IQSEC1: variants seen among roughly 807,000 people sequenced by gnomAD.
The protein encoded by IQSEC1 is IQ motif and Sec7 domain ArfGEF 1, also known as IQ motif and SEC7 domain-containing protein 1.
IQSEC1 carries 31 observed loss-of-function variants against 91.0 expected under a neutral mutation model. The ratio of observed to expected loss-of-function variants is 0.34; its 90% CI spans 0.26 to 0.46. IQSEC1 has a LOEUF of 0.46. IQSEC1 is among the 20% of genes least tolerant of loss of function. The pLI, the probability that IQSEC1 is intolerant of heterozygous loss-of-function variation, is 1.00. For synonymous variants in IQSEC1, 699 were observed against 662.6 expected (o/e 1.05, Z -0.84); for missense variants, 1,388 against 1,575.6 (o/e 0.88, Z 2.02).
intron 1 of IQSEC1, among the ~76,000 whole-genome samples, chr3:13,035,077 C>T (rs1283035846): frequency 6.6e-6 from 1 of 152,238 alleles, no homozygotes; most frequent in African/African-American, 2.4e-5. Context: ...CTGAACTTGG[C>T]CAGTGAAACT....
At chr3:12,939,484 ACT>A (rs1258702794) in intron 2 of IQSEC1, among the ~76,000 whole-genome samples, 6 of 151,962 alleles carry the variant, frequency 3.9e-5, no homozygotes, top group African/African-American at 1.2e-4. Flanking sequence ...ACTAAAATGG[ACT>A]CTGTGTTATC....
intron 1 of IQSEC1, among the ~76,000 whole-genome samples, chr3:12,975,328 T>C (rs1240641509): frequency 6.6e-6 from 1 of 152,266 alleles, no homozygotes; most frequent in Non-Finnish European, 1.5e-5. Flanking sequence ...GAGCATGATC[T>C]TGAATCTTGG....
At chr3:13,031,073 A>C (rs2125008808) in intron 1 of IQSEC1, among the ~76,000 whole-genome samples, 1 of 152,398 alleles carries the variant, frequency 6.6e-6, no homozygotes, top group South Asian at 2.1e-4. Context: ...TTACCATGAA[A>C]ACAAGACAAT....
At chr3:13,131,022 GGGAA>G (rs1293238204) in intron 2 of IQSEC1, among the ~76,000 whole-genome samples, 2 of 103,464 alleles carry the variant, frequency 1.9e-5, no homozygotes, top group Admixed American at 8.8e-5. Context: ...AGGAACGGAA[GGGAA>G]GGAAGGAAGG....
chr3:12,915,717 C>T lies in IQSEC1; in HGVS notation c.2037G>A (p.Glu679=), dbSNP rs757036944. 1 of 1,614,150 alleles carries T rather than the reference C, an allele frequency of 6.2e-7. No homozygotes were observed. Among genetic ancestry groups the T allele is most frequent in the East Asian group, 2.2e-5 (1 of 44,882 alleles). ...IKNLRGVDDG[E]DIPREMLMGI... ...CCATCAGCATCTCACGGGGAATGTC[C>T]TCACCATCGTCCACACCTGGGTAGG... Residue 679 remains glutamate (E), a synonymous_variant, in exon 7 of 14, where the codon GAG becomes GAA. Transcript: ENST00000613206.
intron 1 of IQSEC1, among the ~76,000 whole-genome samples, chr3:12,964,591 A>G (rs1700445325): frequency 6.6e-6 from 1 of 152,188 alleles, no homozygotes; most frequent in Admixed American, 6.5e-5. Flanking sequence ...ACATTCTCAG[A>G]GCACTCCATG....
At chr3:13,265,236 C>T (rs922608738) in intron 1 of IQSEC1, among the ~76,000 whole-genome samples, 2 of 152,240 alleles carry the variant, frequency 1.3e-5, no homozygotes, top group Non-Finnish European at 2.9e-5. Context: ...CTAGATGCTG[C>T]CCTAACTGTG....
chr3:13,178,826 TA>T (rs1406597513), intron 1 of IQSEC1, among the ~76,000 whole-genome samples: 1 of 152,218 alleles, frequency 6.6e-6, no homozygotes, highest in Admixed American at 6.5e-5. Flanking sequence ...AACAGTCCCA[TA>T]GACTGTTCTT....
chr3:13,216,038 C>T (rs1192484488), intron 1 of IQSEC1, among the ~76,000 whole-genome samples: 2 of 152,160 alleles, frequency 1.3e-5, no homozygotes, highest in African/African-American at 4.8e-5. Context: ...CCCTCAAAGA[C>T]GGGTAGAGCC....
chr3:13,058,172 C>A (rs1378101000), intron 1 of IQSEC1, among the ~76,000 whole-genome samples: 1 of 152,210 alleles, frequency 6.6e-6, no homozygotes, highest in East Asian at 1.9e-4. Flanking sequence ...ACTCAGGAGG[C>A]TGAGGTATGA....
At chr3:13,115,324 T>A (rs1453183211) in intron 2 of IQSEC1, among the ~76,000 whole-genome samples, 1 of 152,124 alleles carries the variant, frequency 6.6e-6, no homozygotes, top group Non-Finnish European at 1.5e-5. Context: ...CCTGGCCAGG[T>A]GCTCTGAGGA....
chr3:13,022,000 C>A, intron 1 of IQSEC1: 1 of 1,216,320 alleles, frequency 8.2e-7, no homozygotes, highest in Non-Finnish European at 1.0e-6. Context: ...CAGTCGACAG[C>A]CAGGCAGAGC....
At chr3:13,231,393 G>A (rs1448947115) in intron 1 of IQSEC1, among the ~76,000 whole-genome samples, 1 of 152,180 alleles carries the variant, frequency 6.6e-6, no homozygotes, top group African/African-American at 2.4e-5. Context: ...TTTCTCACAG[G>A]TTGGGAAGTC....
At chr3:13,099,505 G>T (rs546516817) in intron 2 of IQSEC1, among the ~76,000 whole-genome samples, 13 of 152,104 alleles carry the variant, frequency 8.5e-5, no homozygotes, top group African/African-American at 2.7e-4. Context: ...GGGTGTCCCC[G>T]GGTGCATCTG....
chr3:12,904,551 G>A (rs1694755396), intron 12 of IQSEC1, among the ~76,000 whole-genome samples: 1 of 152,174 alleles, frequency 6.6e-6, no homozygotes, highest in Non-Finnish European at 1.5e-5. Context: ...CAGGGACATG[G>A]AGCAAAGTAG....
rs1169864249 is a variant in IQSEC1, at chr3:12,994,016, AC to A, written c.24-52152del. 4.1e-5 allele frequency among the ~76,000 whole-genome samples: 6 copies of A among 146,654 alleles called. No homozygotes were observed. The highest frequency in any genetic ancestry group is 3.4e-4 in the Admixed American group (5 of 14,840). On this transcript the variant is annotated intron_variant, in intron 1 of 13. Coordinates refer to ENST00000613206, the MANE Select transcript of IQSEC1 (RefSeq NM_001134382.3). This position sits in a 1 kb window ranked among gnomAD's most constrained non-coding sequence, Gnocchi z 4.5. ...GGCATTCCCGGCTGCAGCCCCAGCGACCCCCGCCCGGGGCCCCGCACCGCAC... is the reference window on the plus strand; with the variant it reads ...GGCATTCCCGGCTGCAGCCCCAGCGACCCCGCCCGGGGCCCCGCACCGCAC...
chr3:13,247,036 T>C (rs1396337656), intron 1 of IQSEC1, among the ~76,000 whole-genome samples: 2 of 152,208 alleles, frequency 1.3e-5, no homozygotes, highest in Non-Finnish European at 2.9e-5. Flanking sequence ...GCCTTTCAGC[T>C]TGTGGGACCA....
chr3:13,116,212 C>A (rs955893427), intron 2 of IQSEC1, among the ~76,000 whole-genome samples: 1 of 152,164 alleles, frequency 6.6e-6, no homozygotes, highest in African/African-American at 2.4e-5. Context: ...GTGCTGGCTG[C>A]GGGAAACTCA....
intron 1 of IQSEC1, among the ~76,000 whole-genome samples, chr3:13,185,429 G>A (rs185674276): frequency 9.2e-5 from 14 of 152,270 alleles, no homozygotes; most frequent in Admixed American, 4.6e-4. Flanking sequence ...TTTATTCTGT[G>A]CCTTGCTCCC....
Sources: gnomAD v4.1 joint callset for allele counts (sites outside exome capture counted in the v4.1 genomes callset) on GRCh38, gnomAD v4.1.1 for gene constraint, Gnocchi (gnomAD v3.1) non-coding constraint, MANE v1.5 for transcripts, NCBI Gene and HGNC (gene_info 2026-07-23, HGNC 2026-07-21) for gene names.